Variants in PAN3 observed in about 807,000 individuals in gnomAD.
PAN3 encodes PAN2-PAN3 deadenylation complex subunit PAN3.
PAN3 carries 19 observed loss-of-function variants against 96.2 expected under a neutral mutation model. The observed-to-expected ratio is 0.20, with a 90% CI of 0.14 to 0.29. The LOEUF (loss-of-function observed/expected upper bound fraction) is 0.29, where lower values mean the gene tolerates loss of function less well. PAN3 is among the 10% of genes least tolerant of loss of function. The probability of loss-of-function intolerance (pLI) is 1.00; values close to 1 mark genes in which losing one functional copy is unlikely to be tolerated. For synonymous variants in PAN3, 433 were observed against 406.6 expected (o/e 1.06, Z -0.78); for missense variants, 882 against 1,108.1 (o/e 0.80, Z 2.90).
In PAN3 at chr13:28,161,518, T is replaced by C. The variant is rs575356245; in HGVS notation, c.431-12754T>C. Among the ~76,000 whole-genome samples, 281 of 152,232 alleles carry C rather than the reference T, an allele frequency of 1.8e-3. 2 individuals carry two copies. The highest frequency in any genetic ancestry group is 3.5e-3 in the Non-Finnish European group (237 of 68,016). ...ACCTCATCTTTAATTATATCTGCAGTGACTCTATATTCAAATGAGGTCACA... is the reference window on the plus strand; with the variant it reads ...ACCTCATCTTTAATTATATCTGCAGCGACTCTATATTCAAATGAGGTCACA... On this transcript the variant is annotated intron_variant, in intron 1 of 18. Coordinates refer to ENST00000380958, the MANE Select transcript of PAN3 (RefSeq NM_175854.8).
intron 4 of PAN3, among the ~76,000 whole-genome samples, chr13:28,191,009 A>G (rs1877188982): frequency 6.6e-6 from 1 of 152,184 alleles, no homozygotes; most frequent in Non-Finnish European, 1.5e-5. Flanking sequence ...TCAGGCTATC[A>G]AGAATAGAGG....
intron 4 of PAN3, among the ~76,000 whole-genome samples, chr13:28,196,109 A>G (rs1368929659): frequency 6.7e-6 from 1 of 148,208 alleles, no homozygotes; most frequent in East Asian, 2.0e-4. Flanking sequence ...ATCCTCCTGC[A>G]TCAACCTCCA....
intron 5 of PAN3, among the ~76,000 whole-genome samples, chr13:28,217,851 A>G (rs200217801): frequency 7.5e-6 from 1 of 133,490 alleles, no homozygotes; most frequent in Non-Finnish European, 1.6e-5. Flanking sequence ...AGTTTTTTTT[A>G]TTTCTATTTT....
intron 4 of PAN3, among the ~76,000 whole-genome samples, chr13:28,185,202 G>A (rs937536582): frequency 3.3e-5 from 5 of 152,020 alleles, no homozygotes; most frequent in African/African-American, 1.2e-4. Context: ...TTAACTGGTA[G>A]GCTTGAATGT....
At chr13:28,159,830 T>C (rs1238928149) in intron 1 of PAN3, among the ~76,000 whole-genome samples, 1 of 152,074 alleles carries the variant, frequency 6.6e-6, no homozygotes, top group Non-Finnish European at 1.5e-5. Flanking sequence ...GCATATTATC[T>C]GGGTGACAAA....
At chr13:28,206,507 A>G (rs1348740039) in intron 5 of PAN3, among the ~76,000 whole-genome samples, 1 of 151,456 alleles carries the variant, frequency 6.6e-6, no homozygotes. Context: ...TATTTAGTAG[A>G]TATAGGGTTT....
chr13:28,166,025 CG>C (rs1873497768), intron 1 of PAN3, among the ~76,000 whole-genome samples: 1 of 152,110 alleles, frequency 6.6e-6, no homozygotes, highest in African/African-American at 2.4e-5. Flanking sequence ...CATTCTGCCC[CG>C]ATCCCTTAAA....
At chr13:28,156,905 G>A (rs1198349601) in intron 1 of PAN3, among the ~76,000 whole-genome samples, 1 of 149,844 alleles carries the variant, frequency 6.7e-6, no homozygotes, top group East Asian at 2.0e-4. Context: ...TGAGGTGGAA[G>A]GATGGCTTGG....
chr13:28,236,571 A>AT (rs1416338815), intron 6 of PAN3, among the ~76,000 whole-genome samples: 2 of 152,152 alleles, frequency 1.3e-5, no homozygotes, highest in African/African-American at 4.8e-5. Flanking sequence ...GAAGGATAAG[A>AT]TTTTTTTATC....
At chr13:28,218,474 T>G (rs1361476633) in intron 5 of PAN3, among the ~76,000 whole-genome samples, 1 of 152,174 alleles carries the variant, frequency 6.6e-6, no homozygotes, top group African/African-American at 2.4e-5. Context: ...CAGTTCTTAA[T>G]TCAGATTCAT....
At chr13:28,211,443 A>G (rs1566190890) in intron 5 of PAN3, among the ~76,000 whole-genome samples, 1 of 152,220 alleles carries the variant, frequency 6.6e-6, no homozygotes, top group Non-Finnish European at 1.5e-5. Flanking sequence ...AAGGACAGTT[A>G]GTTGAACTGT....
chr13:28,232,793 T>C (rs991732496), intron 6 of PAN3, among the ~76,000 whole-genome samples: 1 of 152,102 alleles, frequency 6.6e-6, no homozygotes, highest in Non-Finnish European at 1.5e-5. Flanking sequence ...GAGCAACCCT[T>C]ATCCAAAAAC....
intron 1 of PAN3, among the ~76,000 whole-genome samples, chr13:28,141,076 T>C (rs983458491): frequency 6.7e-6 from 1 of 149,764 alleles, no homozygotes. Context: ...CGATCTCGGC[T>C]CACAGCAACC....
intron 4 of PAN3, among the ~76,000 whole-genome samples, chr13:28,194,466 A>ATATATTTTT (rs1429166016): frequency 8.2e-6 from 1 of 122,132 alleles, no homozygotes; most frequent in African/African-American, 3.6e-5. Flanking sequence ...ATATATATAT[A>ATATATTTTT]TTTTTTTTTT....
chr13:28,229,585 A>G (rs1008086597), intron 6 of PAN3, among the ~76,000 whole-genome samples: 8 of 152,178 alleles, frequency 5.3e-5, no homozygotes, highest in Non-Finnish European at 7.3e-5. Flanking sequence ...TTCTGCTCCA[A>G]TGAATTAGTT....
intron 4 of PAN3, among the ~76,000 whole-genome samples, chr13:28,190,210 G>T (rs1433982085): frequency 6.6e-6 from 1 of 152,194 alleles, no homozygotes; most frequent in Non-Finnish European, 1.5e-5. Context: ...CTCCCAAAGT[G>T]CTGGGATTAC....
chr13:28,204,292 T>G (rs1879095985), intron 5 of PAN3, among the ~76,000 whole-genome samples: 1 of 152,216 alleles, frequency 6.6e-6, no homozygotes, highest in African/African-American at 2.4e-5. Context: ...CCTGTCACTT[T>G]GCCTGACCAA....
At chr13:28,278,209 G>A (rs542403308) in intron 15 of PAN3, among the ~76,000 whole-genome samples, 139 of 152,346 alleles carry the variant, frequency 9.1e-4, no homozygotes, top group African/African-American at 3.3e-3. Context: ...ATTGGGGGAT[G>A]GAGGGTGGGA....
At position 28,261,452 on chromosome 13, in the gene PAN3, A is replaced by G. The variant is rs1161038453; in HGVS notation, c.1405A>G (p.Met469Val). 6.2e-7 allele frequency: 1 copy of G among 1,610,218 alleles called. No individual in the cohort carries two copies. The highest frequency in any genetic ancestry group is 1.1e-5 in the South Asian group (1 of 90,560). ...ITMAQIDQADMPAVPTEVDSY... is the reference protein window; with the variant it reads ...ITMAQIDQADVPAVPTEVDSY... ...AATGGCTCAAATTGATCAAGCAGAT[A>G]TGCCAGGTAAAAAGCAAGTTGATCC... is the stretch of plus-strand genomic sequence containing the variant. The change falls in exon 9 of 19, where the codon ATG (methionine) becomes GTG (valine). Residue 469 changes from methionine (M) to valine (V), a missense_variant. Coordinates refer to ENST00000380958, the MANE Select transcript of PAN3 (RefSeq NM_175854.8).
Sources: allele counts gnomAD v4.1 joint callset (sites outside exome capture counted in the v4.1 genomes callset), GRCh38; gene constraint gnomAD v4.1.1; transcripts MANE v1.5; gene names NCBI Gene and HGNC (gene_info 2026-07-23, HGNC 2026-07-21).